The following DCC variants were observed in gnomAD, a reference collection of about 807,000 sequenced individuals.
DCC encodes netrin receptor DCC.
DCC carries 58 observed loss-of-function variants against 172.5 expected under a neutral mutation model. That is an observed-to-expected ratio of 0.34 (90% CI 0.27 to 0.42). The LOEUF (loss-of-function observed/expected upper bound fraction) is 0.42. DCC is among the 10% of genes least tolerant of loss of function. The probability of loss-of-function intolerance (pLI) is 1.00; values close to 1 mark genes in which losing one functional copy is unlikely to be tolerated. For missense variants in DCC, 1,740 were observed against 1,791.0 expected (o/e 0.97, Z 0.51); for synonymous variants, 709 against 644.5 (o/e 1.10, Z -1.52).
intron 1 of DCC, among the ~76,000 whole-genome samples, chr18:52,431,186 A>G (rs1213118576): frequency 6.6e-6 from 1 of 152,166 alleles, no homozygotes; most frequent in African/African-American, 2.4e-5. Context: ...AGAATGCTGG[A>G]GTTGGGACCC....
chr18:52,802,643 CTTTTTTTTTTTTTTT>C (rs776080029), intron 2 of DCC, among the ~76,000 whole-genome samples: 2,157 of 38,142 alleles, frequency 0.057, 66 homozygotes, highest in Non-Finnish European at 0.082. Context: ...CACGCCAAGC[CTTTTTTTTTTTTTTT>C]TTTTTTTTTT....
At chr18:52,380,673 T>C (rs1329757654) in intron 1 of DCC, among the ~76,000 whole-genome samples, 1 of 152,156 alleles carries the variant, frequency 6.6e-6, no homozygotes, top group East Asian at 1.9e-4. Flanking sequence ...TGGGCCTCAG[T>C]TTCCATCATT....
rs2041211252 is a variant in DCC, at chr18:52,981,641, TGGTACA to T, written c.985+56272_985+56277del. On this transcript the variant is annotated intron_variant, in intron 5 of 28. Transcript: ENST00000442544. ...ATTGAGCATCAGTTAAATGTGAGAT[TGGTACA>T]ATTAATGTTCTACGCAATCAATAAT... Among the ~76,000 whole-genome samples, 5 of 152,192 alleles carry T rather than the reference TGGTACA, an allele frequency of 3.3e-5. No homozygotes were observed. In the South Asian group the frequency reaches 1.0e-3, roughly 31 times the overall value.
At chr18:52,536,652 A>G (rs2032297764) in intron 1 of DCC, among the ~76,000 whole-genome samples, 1 of 152,090 alleles carries the variant, frequency 6.6e-6, no homozygotes, top group African/African-American at 2.4e-5. Flanking sequence ...TGATTTAATC[A>G]CATACCTAAA....
intron 1 of DCC, among the ~76,000 whole-genome samples, chr18:52,404,064 C>G (rs1986542934): frequency 6.6e-6 from 1 of 152,026 alleles, no homozygotes; most frequent in Non-Finnish European, 1.5e-5. Flanking sequence ...TTTGGCTAGA[C>G]AGAAGGTTCT....
At chr18:53,287,385 T>C (rs1321746920) in intron 12 of DCC, among the ~76,000 whole-genome samples, 1 of 152,186 alleles carries the variant, frequency 6.6e-6, no homozygotes, top group Non-Finnish European at 1.5e-5. Flanking sequence ...ATTCATCAGA[T>C]AGTGGGCATT....
At chr18:52,475,694 T>C (rs898305139) in intron 1 of DCC, among the ~76,000 whole-genome samples, 2 of 152,114 alleles carry the variant, frequency 1.3e-5, no homozygotes, top group Admixed American at 1.3e-4. Context: ...GTTGTGAATA[T>C]AAAAGAGGAA....
chr18:52,890,234 T>C (rs1006711832), intron 2 of DCC, among the ~76,000 whole-genome samples: 5 of 152,258 alleles, frequency 3.3e-5, no homozygotes, highest in African/African-American at 1.2e-4. Flanking sequence ...GAGGATGCAA[T>C]GTTGAGCAAT....
At chr18:52,827,602 A>G (rs1410089046) in intron 2 of DCC, among the ~76,000 whole-genome samples, 1 of 152,234 alleles carries the variant, frequency 6.6e-6, no homozygotes, top group Non-Finnish European at 1.5e-5. Context: ...ACCTGCATAA[A>G]TTCTCTATCA....
In DCC at chr18:52,340,695, CGT is replaced by C; in HGVS notation, c.-85_-84del. On this transcript the variant is annotated 5_prime_UTR_variant, in exon 1 of 29. Coordinates refer to ENST00000442544, the MANE Select transcript of DCC (RefSeq NM_005215.4). ...AGGAGGAAGCCGAAGGGGCTCGGCGCGTGTGTGTGCATGTGTGCATGCGTGTG... is the reference window on the plus strand; with the variant it reads ...AGGAGGAAGCCGAAGGGGCTCGGCGCGTGTGTGCATGTGTGCATGCGTGTG... The C allele has an allele frequency of 1.1e-6, 1 of 897,726 alleles. No individual in the cohort carries two copies. The highest frequency in any genetic ancestry group is 1.9e-6 in the Non-Finnish European group (1 of 527,882). The allele number at this position is 897,726 out of a possible 1,614,324, so 55.6% of individuals were successfully genotyped here.
intron 26 of DCC, among the ~76,000 whole-genome samples, chr18:53,490,983 C>T (rs142723467): frequency 1.7e-4 from 26 of 152,302 alleles, no homozygotes; most frequent in African/African-American, 6.3e-4. Context: ...AGGGCCCTCT[C>T]ACTCCTGTCT....
chr18:52,438,710 T>C (rs1271055446), intron 1 of DCC, among the ~76,000 whole-genome samples: 1 of 152,226 alleles, frequency 6.6e-6, no homozygotes, highest in Non-Finnish European at 1.5e-5. Context: ...AGCAGTGCTA[T>C]GTATGTACTT....
chr18:52,568,241 T>C (rs1450951416), intron 1 of DCC, among the ~76,000 whole-genome samples: 1 of 152,122 alleles, frequency 6.6e-6, no homozygotes, highest in Non-Finnish European at 1.5e-5. Context: ...TAAAAACATA[T>C]GCTCTCACAA....
chr18:52,886,751 G>A (rs928009741), intron 2 of DCC, among the ~76,000 whole-genome samples: 1 of 152,022 alleles, frequency 6.6e-6, no homozygotes, highest in Admixed American at 6.6e-5. Flanking sequence ...ACCATGCACT[G>A]TGAGTGCCCA....
chr18:52,851,165 T>A (rs1339775383), intron 2 of DCC, among the ~76,000 whole-genome samples: 1 of 149,482 alleles, frequency 6.7e-6, no homozygotes. Flanking sequence ...TCACAGTAGG[T>A]TGAGAATAGA....
At chr18:53,367,066 C>G (rs2058013521) in intron 15 of DCC, among the ~76,000 whole-genome samples, 1 of 152,120 alleles carries the variant, frequency 6.6e-6, no homozygotes, top group African/African-American at 2.4e-5. Flanking sequence ...CAGTTTATGC[C>G]ATTATTTATT....
intron 1 of DCC, among the ~76,000 whole-genome samples, chr18:52,612,879 G>T (rs1003020015): frequency 1.3e-5 from 2 of 152,138 alleles, no homozygotes; most frequent in Admixed American, 6.5e-5. Context: ...CACTTCTGTC[G>T]AAGAGAAACT....
intron 23 of DCC, among the ~76,000 whole-genome samples, chr18:53,456,071 C>T (rs896357662): frequency 3.9e-5 from 6 of 152,170 alleles, no homozygotes; most frequent in Admixed American, 3.9e-4. Context: ...CTCAATAAGA[C>T]ACACGGTGAT....
At chr18:53,021,822 TG>T (rs1260852535) in intron 5 of DCC, among the ~76,000 whole-genome samples, 5 of 152,218 alleles carry the variant, frequency 3.3e-5, no homozygotes, top group African/African-American at 1.2e-4. Context: ...TGCACAATTC[TG>T]GAAAACCTTA....
Sources: gnomAD v4.1 joint callset for allele counts (sites outside exome capture counted in the v4.1 genomes callset) on GRCh38, gnomAD v4.1.1 for gene constraint, MANE v1.5 for transcripts, NCBI Gene and HGNC (gene_info 2026-07-23, HGNC 2026-07-21) for gene names.